The following BEND2 variants were observed in gnomAD, a reference collection of about 807,000 sequenced individuals.
The protein encoded by BEND2 is BEN domain-containing protein 2.
Under a neutral mutation model 43.8 loss-of-function variants are expected in BEND2, and 19 were observed. The observed-to-expected ratio is 0.43, with a 90% CI of 0.30 to 0.64. BEND2 has a LOEUF of 0.64. Among genes scored for constraint, BEND2 ranks in the 30% least tolerant of loss-of-function variants. The pLI is 0.11. For missense variants in BEND2, 544 were observed against 574.0 expected, an observed-to-expected ratio of 0.95 and a Z score of 0.53; for synonymous variants, 226 against 210.1, an observed-to-expected ratio of 1.08 and a Z score of -0.66.
At chrX:18,217,045 A>T (rs777840792) in intron 1 of BEND2, among the ~76,000 whole-genome samples, 1 of 112,853 alleles carries the variant, frequency 8.9e-6, no homozygotes, top group Non-Finnish European at 1.9e-5. Context: ...ACAGTGTTCA[A>T]TGATATGCTT....
chrX:18,207,765 G>A (rs917997518), intron 4 of BEND2, among the ~76,000 whole-genome samples: 1 of 112,095 alleles, frequency 8.9e-6, no homozygotes, highest in African/African-American at 3.2e-5. Context: ...ACGCCTGTAA[G>A]CCCAGCACTT....
chrX:18,180,733 C>T, intron 8 of BEND2, 83 bp from the exon 9 acceptor site: 1 of 675,782 alleles, frequency 1.5e-6, no homozygotes, highest in Non-Finnish European at 2.2e-6. Context: ...CACTCTCAGA[C>T]AAAAGAAAAC....
chrX:18,204,021 C>T (rs1219035053), intron 4 of BEND2, 106 bp from the exon 5 acceptor site: 7 of 769,798 alleles, frequency 9.1e-6, no homozygotes, highest in Admixed American at 6.7e-5. Flanking sequence ...TAAATCCAGA[C>T]GACCTCTAAA....
At chrX:18,168,987 G>A (rs368200335) in intron 13 of BEND2, among the ~76,000 whole-genome samples, 59 of 109,475 alleles carry the variant, frequency 5.4e-4, no homozygotes, top group African/African-American at 1.5e-3. Flanking sequence ...ACCAGATGCC[G>A]AGTGCAGTGG....
intron 9 of BEND2, among the ~76,000 whole-genome samples, chrX:18,179,351 T>C (rs1347207415): frequency 1.8e-5 from 2 of 109,075 alleles, no homozygotes; most frequent in African/African-American, 6.7e-5. Context: ...TTTGTAGAGA[T>C]GGGGTTTTGC....
chrX:18,194,151 T>C (rs73189198), intron 7 of BEND2, among the ~76,000 whole-genome samples: 20,202 of 110,606 alleles, frequency 0.18, 1,404 homozygotes, highest in East Asian at 0.34. Context: ...TGTGGAGAAA[T>C]TGGATCACTC....
chrX:18,179,419 T>C (rs770602417), intron 9 of BEND2, among the ~76,000 whole-genome samples: 62 of 110,712 alleles, frequency 5.6e-4, no homozygotes, highest in Non-Finnish European at 9.6e-4. Flanking sequence ...CACCTCAGCC[T>C]CCCAGATTGC....
chrX:18,201,681 C>T (rs201271277), intron 6 of BEND2, 134 bp downstream of exon 6: 65 of 742,490 alleles, frequency 8.8e-5, no homozygotes, highest in Admixed American at 1.8e-4. Context: ...TTAGTAGAGA[C>T]GGGTTTTCAC....
chrX:18,181,536 G>C (rs193098156), intron 8 of BEND2, among the ~76,000 whole-genome samples: 1 of 111,777 alleles, frequency 8.9e-6, no homozygotes, highest in East Asian at 2.8e-4. Flanking sequence ...AAACCATCAT[G>C]AGTTCTCTAA....
At chrX:18,173,816 T>C (rs1569115513) in intron 12 of BEND2, among the ~76,000 whole-genome samples, 1 of 111,902 alleles carries the variant, frequency 8.9e-6, no homozygotes, top group Non-Finnish European at 1.9e-5. Context: ...CCACTTTCCG[T>C]AGGAAAAATA....
rs1332789849 is a variant in BEND2 at position 18,212,647 on chromosome X, T to C, written c.410A>G (p.Asn137Ser). ...GTATCTTCTTAAATGTACTGGGTGGTTTATCTGTGAAACTATTTGGTCACC... is the reference window on the plus strand; with the variant it reads ...GTATCTTCTTAAATGTACTGGGTGGCTTATCTGTGAAACTATTTGGTCACC... ...AHGDQIVSQI[N>S]HPVHLRRYSY... is the part of the protein sequence containing the mutation. The change falls in exon 4 of 14, where the codon AAC becomes AGC. Residue 137 changes from asparagine to serine, a missense_variant. Asn to Ser is a conservative substitution (Grantham distance 46, BLOSUM62 1). Coordinates refer to ENST00000380033, the MANE Select transcript of BEND2 (RefSeq NM_153346.5). The C allele has an allele frequency of 4.1e-6, 5 of 1,209,323 alleles. No individual in the cohort carries two copies. Among genetic ancestry groups the C allele is most frequent in the African/African-American group, 1.7e-5 (1 of 57,721 alleles).
chrX:18,201,882 T>C lies in BEND2; in HGVS notation c.966A>G (p.Pro322=). The part of the protein sequence containing the change: ...SKNSTETANY[P]TLMGNYNGQN... ...GGCCATTGTAATTTCCCATTAAAGT[T>C]GGATAATTCGCTGTCTCAGTGCTGT... is the stretch of plus-strand genomic sequence containing the variant. Residue 322 remains proline (P), a synonymous_variant, in exon 6 of 14, where the codon CCA becomes CCG. Transcript: ENST00000380033. The C allele has an allele frequency of 8.3e-7, 1 of 1,210,266 alleles. No individual in the cohort carries two copies. The highest frequency in any genetic ancestry group is 1.8e-5 in the South Asian group (1 of 56,617).
rs144787912 is a variant in BEND2, at chrX:18,172,609, G to A, written c.1982-1405C>T. Among the ~76,000 whole-genome samples the A allele has an allele frequency of 4.5e-3, 497 of 110,499 alleles. 6 individuals carry two copies. The highest frequency in any genetic ancestry group is 0.015 in the African/African-American group (455 of 30,359). Reference sequence around the variant, plus strand: ...CTCAGGAGGCTGAGGCAGGAGAATCGCTTGAACTTGGGAGGTGGAGGTTGC... The same window carrying A: ...CTCAGGAGGCTGAGGCAGGAGAATCACTTGAACTTGGGAGGTGGAGGTTGC... On this transcript the variant is annotated intron_variant, in intron 12 of 13. Transcript: ENST00000380033.
intron 9 of BEND2, 116 bp from the exon 10 acceptor site, chrX:18,177,885 G>A (rs1924233607): frequency 1.5e-6 from 1 of 659,484 alleles, no homozygotes; most frequent in African/African-American, 2.2e-5. Context: ...TAAGGCAAAT[G>A]CAGATAAATG....
rs878990987 is a variant in BEND2, at chrX:18,164,999, C to T, written c.*10G>A. The T allele has an allele frequency of 3.4e-6, 4 of 1,175,553 alleles. No homozygotes were observed. The South Asian group carries it at 7.6e-5, about 22-fold the overall frequency. On this transcript the variant is annotated 3_prime_UTR_variant, in exon 14 of 14. Coordinates refer to ENST00000380033, the MANE Select transcript of BEND2 (RefSeq NM_153346.5). ...AGTTAAAAAAAAAAAAAAAGTTTGG[C>T]AGCTGCCGTTCAGGTGCTTGGGTCA...
chrX:18,201,393 T>A (rs1925141034), intron 6 of BEND2, among the ~76,000 whole-genome samples: 1 of 13,592 alleles, frequency 7.4e-5, no homozygotes, highest in Non-Finnish European at 1.3e-4. Context: ...CAAAACTCCA[T>A]CTCAAAAAAA....
intron 11 of BEND2, among the ~76,000 whole-genome samples, 154 bp from the exon 12 acceptor site, chrX:18,174,412 C>A (rs1196796471): frequency 8.9e-5 from 10 of 112,034 alleles, no homozygotes; most frequent in Non-Finnish European, 3.8e-5. Flanking sequence ...TGTCGCAATA[C>A]TATCTGGAAA....
intron 7 of BEND2, among the ~76,000 whole-genome samples, chrX:18,194,242 A>G (rs1442401778): frequency 1.8e-5 from 2 of 111,904 alleles, no homozygotes; most frequent in East Asian, 5.6e-4. Flanking sequence ...TAAACATGCT[A>G]GTACCATAAG....
intron 9 of BEND2, among the ~76,000 whole-genome samples, chrX:18,179,096 C>T (rs1458062551): frequency 1.9e-5 from 2 of 107,894 alleles, no homozygotes; most frequent in East Asian, 5.7e-4. Flanking sequence ...TACAAACTAT[C>T]TTTCAGAAAG....
Sources: allele counts gnomAD v4.1 joint callset (sites outside exome capture counted in the v4.1 genomes callset), GRCh38; gene constraint gnomAD v4.1.1; transcripts MANE v1.5; gene names NCBI Gene and HGNC (gene_info 2026-07-23, HGNC 2026-07-21).